Variants in PCDH7 observed in about 807,000 individuals in gnomAD.
PCDH7 encodes the protein protocadherin 7, also known as protocadherin-7.
Under a neutral mutation model 58.9 loss-of-function variants are expected in PCDH7, and 17 were observed. The observed-to-expected ratio is 0.29, with a 90% confidence interval of 0.20 to 0.43. PCDH7 has a LOEUF of 0.43. Among genes scored for constraint, PCDH7 ranks in the 20% least tolerant of loss-of-function variants. The pLI, the probability that PCDH7 is intolerant of heterozygous loss-of-function variation, is 1.00. For missense variants in PCDH7, 1,274 were observed against 1,441.0 expected, an observed-to-expected ratio of 0.88 and a Z score of 1.88; for synonymous variants, 664 against 616.4, an observed-to-expected ratio of 1.08 and a Z score of -1.14.
chr4:30,819,417 T>C (rs967967908), intron 1 of PCDH7, among the ~76,000 whole-genome samples: 1 of 152,174 alleles, frequency 6.6e-6, no homozygotes, highest in South Asian at 2.1e-4. Context: ...TTTTTCATTC[T>C]CTTGGGATCT....
At chr4:30,785,144 T>A (rs1001420571) in intron 1 of PCDH7, among the ~76,000 whole-genome samples, 1 of 152,078 alleles carries the variant, frequency 6.6e-6, no homozygotes, top group South Asian at 2.1e-4. Flanking sequence ...AATAGTTAAA[T>A]AGTTGATAAC....
chr4:30,942,699 C>T (rs146948612), intron 2 of PCDH7, among the ~76,000 whole-genome samples: 410 of 152,082 alleles, frequency 2.7e-3, no homozygotes, highest in African/African-American at 9.2e-3. Flanking sequence ...AGGTTAAGAA[C>T]ATCACAATTG....
At chr4:30,770,139 A>G (rs1721217337) in intron 1 of PCDH7, among the ~76,000 whole-genome samples, 1 of 152,346 alleles carries the variant, frequency 6.6e-6, no homozygotes, top group East Asian at 1.9e-4. Flanking sequence ...CAGGTACACC[A>G]TGCTGTGATT....
chr4:30,932,375 T>C (rs1744752651), intron 2 of PCDH7, among the ~76,000 whole-genome samples: 1 of 152,226 alleles, frequency 6.6e-6, no homozygotes, highest in African/African-American at 2.4e-5. Context: ...CAGGAAGATA[T>C]CACTTTTAAT....
intron 1 of PCDH7, among the ~76,000 whole-genome samples, chr4:30,752,120 T>C (rs1718608497): frequency 6.6e-6 from 1 of 152,106 alleles, no homozygotes; most frequent in South Asian, 2.1e-4. Flanking sequence ...TTTATTACTT[T>C]TTTTCTTTCT....
intron 3 of PCDH7, among the ~76,000 whole-genome samples, chr4:30,979,744 A>C (rs1477434333): frequency 1.3e-5 from 2 of 151,966 alleles, no homozygotes; most frequent in African/African-American, 4.8e-5. Context: ...GAAGTCAGGG[A>C]CTACATCATT....
At chr4:30,895,330 G>A (rs1739265443) in intron 1 of PCDH7, among the ~76,000 whole-genome samples, 2 of 151,980 alleles carry the variant, frequency 1.3e-5, no homozygotes, top group Non-Finnish European at 2.9e-5. Context: ...GCTAAATAGG[G>A]AAATAGGAAT....
At chr4:30,799,539 T>G (rs1443855871) in intron 1 of PCDH7, among the ~76,000 whole-genome samples, 1 of 152,174 alleles carries the variant, frequency 6.6e-6, no homozygotes, top group Non-Finnish European at 1.5e-5. Context: ...AAATCCCATA[T>G]CAATCACATT....
intron 2 of PCDH7, among the ~76,000 whole-genome samples, chr4:30,927,551 C>T (rs1352753805): frequency 1.1e-4 from 16 of 151,890 alleles, no homozygotes; most frequent in African/African-American, 3.6e-4. Context: ...TGATCTATGA[C>T]CTTACCCCCA....
chr4:30,732,330 G>A (rs950674563), exon 2 of PCDH7: 3 of 152,050 alleles, frequency 2.0e-5, no homozygotes, highest in Middle Eastern at 3.2e-3. Flanking sequence ...AATAGTAAAC[G>A]TCACTAGATA....
chr4:30,913,817 C>G (rs1160968151), intron 1 of PCDH7, among the ~76,000 whole-genome samples: 1 of 152,198 alleles, frequency 6.6e-6, no homozygotes, highest in Non-Finnish European at 1.5e-5. Flanking sequence ...ATTTTAGCAT[C>G]TGTTTATATT....
chr4:30,779,213 C>T (rs1477471908), intron 1 of PCDH7, among the ~76,000 whole-genome samples: 5 of 151,528 alleles, frequency 3.3e-5, no homozygotes, highest in Non-Finnish European at 7.4e-5. Context: ...TTAGTAGAGA[C>T]GGGGTTTTGC....
intron 3 of PCDH7, among the ~76,000 whole-genome samples, chr4:31,060,810 A>G (rs1302547831): frequency 6.6e-6 from 1 of 151,748 alleles, no homozygotes; most frequent in Admixed American, 6.6e-5. Flanking sequence ...AACTTAGATA[A>G]TACATCAGTA....
At chr4:31,042,736 T>TA (rs1321435192) in intron 3 of PCDH7, among the ~76,000 whole-genome samples, 4 of 152,134 alleles carry the variant, frequency 2.6e-5, no homozygotes, top group South Asian at 4.1e-4. Context: ...GTGGATAACA[T>TA]AAAAAAAGAG....
chr4:30,841,387 T>C (rs1028720280), intron 1 of PCDH7, among the ~76,000 whole-genome samples: 1 of 152,118 alleles, frequency 6.6e-6, no homozygotes, highest in South Asian at 2.1e-4. Context: ...CATTAAAAAA[T>C]TAAATATCTC....
intron 1 of PCDH7, among the ~76,000 whole-genome samples, chr4:30,814,064 C>T (rs1028673052): frequency 6.6e-6 from 1 of 151,978 alleles, no homozygotes; most frequent in African/African-American, 2.4e-5. Context: ...TTTTGATAAG[C>T]AAATGCATTA....
chr4:31,133,079 G>A (rs191308012), intron 3 of PCDH7, among the ~76,000 whole-genome samples: 1 of 152,276 alleles, frequency 6.6e-6, no homozygotes, highest in East Asian at 1.9e-4. Context: ...CTGAATGGCA[G>A]TTTATTTACC....
chr4:30,898,271 A>T (rs565497869), intron 1 of PCDH7, among the ~76,000 whole-genome samples: 1 of 152,256 alleles, frequency 6.6e-6, no homozygotes, highest in South Asian at 2.1e-4. Context: ...AGGAATTTTA[A>T]AACCCGAAGG....
At chr4:30,993,478 A>T (rs1034314142) in intron 3 of PCDH7, among the ~76,000 whole-genome samples, 1 of 152,182 alleles carries the variant, frequency 6.6e-6, no homozygotes, top group East Asian at 1.9e-4. Context: ...GATAATAATG[A>T]TAAATAACAT....
Sources: gnomAD v4.1 joint callset for allele counts (sites outside exome capture counted in the v4.1 genomes callset) on GRCh38, gnomAD v4.1.1 for gene constraint, MANE v1.5 for transcripts, NCBI Gene and HGNC (gene_info 2026-07-23, HGNC 2026-07-21) for gene names.